Variants in DOCK5 observed in about 807,000 individuals in gnomAD.
DOCK5 encodes dedicator of cytokinesis protein 5.
DOCK5 carries 142 observed loss-of-function variants against 251.8 expected under a neutral mutation model. That is an observed-to-expected ratio of 0.56 (90% CI 0.49 to 0.65). DOCK5 has a LOEUF of 0.65. Ranked by LOEUF, DOCK5 falls within the 30% of genes least tolerant of loss-of-function variation. The probability of loss-of-function intolerance (pLI) is 0.00; values close to 1 mark genes in which losing one functional copy is unlikely to be tolerated. For synonymous variants in DOCK5, 842 were observed against 835.5 expected (o/e 1.01, Z -0.13); for missense variants, 2,111 against 2,312.3 (o/e 0.91, Z 1.79).
chr8:25,392,971 C>G, intron 44 of DOCK5, 89 bp downstream of exon 44: 1 of 1,131,234 alleles, frequency 8.8e-7, no homozygotes, highest in Non-Finnish European at 1.3e-6. Context: ...GCAGTTCACA[C>G]CAGCTTGGCC....
chr8:25,312,844 C>A (rs1805139274), intron 13 of DOCK5, among the ~76,000 whole-genome samples: 1 of 151,678 alleles, frequency 6.6e-6, no homozygotes, highest in Non-Finnish European at 1.5e-5. Context: ...GCGGGAGCAT[C>A]ACTTGAACCT....
intron 1 of DOCK5, 135 bp from the exon 2 acceptor site, chr8:25,243,539 C>T (rs931825024): frequency 1.5e-6 from 1 of 665,144 alleles, no homozygotes; most frequent in African/African-American, 1.8e-5. Flanking sequence ...CCATCTTGGC[C>T]AGGCTGGTCT....
rs2666172 is a variant in DOCK5, at chr8:25,325,453, C to T, written c.1809C>T (p.Ser603=). The change falls in exon 18 of 52, where the codon TCC becomes TCT. Residue 603 remains serine (S), a synonymous_variant. Coordinates refer to ENST00000276440, the MANE Select transcript of DOCK5 (RefSeq NM_024940.8). ...MEMEEKELQA[S]KNLVTFTPSK... is the part of the protein sequence containing the mutation. Reference sequence around the variant, plus strand: ...TGGAAGAAAAAGAGCTTCAAGCATCCAAAAACCTGGTCACCTTCACCCCAA... The same window carrying T: ...TGGAAGAAAAAGAGCTTCAAGCATCTAAAAACCTGGTCACCTTCACCCCAA... The T allele has an allele frequency of 0.75, 1,214,570 of 1,613,578 alleles. 461,543 individuals are homozygous for T. The highest frequency in any genetic ancestry group is 0.78 in the Non-Finnish European group (922,067 of 1,179,766).
intron 1 of DOCK5, among the ~76,000 whole-genome samples, chr8:25,240,499 T>C (rs1802914845): frequency 6.6e-6 from 1 of 152,132 alleles, no homozygotes; most frequent in East Asian, 1.9e-4. Context: ...AATAATCTCC[T>C]ATATTGCCTT....
chr8:25,347,459 A>T (rs1800390023), intron 26 of DOCK5, among the ~76,000 whole-genome samples: 2 of 152,166 alleles, frequency 1.3e-5, no homozygotes, highest in African/African-American at 4.8e-5. Flanking sequence ...TTCTCAAAGC[A>T]TGTTGCGATT....
chr8:25,345,738 A>G, intron 26 of DOCK5, 127 bp downstream of exon 26: 3 of 1,333,410 alleles, frequency 2.2e-6, no homozygotes. Context: ...GGCTGTGCCC[A>G]TTTTAGAGAT....
intron 38 of DOCK5, 73 bp from the exon 39 acceptor site, chr8:25,380,232 G>A (rs1008509908): frequency 6.2e-5 from 85 of 1,362,268 alleles, no homozygotes; most frequent in African/African-American, 2.2e-4. Context: ...CCAGTGACTC[G>A]CCAGTGGCTT....
intron 31 of DOCK5, 135 bp from the exon 32 acceptor site, chr8:25,368,057 T>C (rs1489461301): frequency 1.5e-6 from 1 of 666,832 alleles, no homozygotes; most frequent in African/African-American, 1.8e-5. Context: ...CGTTTAGGTA[T>C]GAACCTCATC....
chr8:25,309,567 T>C (rs936524377), intron 12 of DOCK5, among the ~76,000 whole-genome samples: 1 of 152,194 alleles, frequency 6.6e-6, no homozygotes, highest in Non-Finnish European at 1.5e-5. Context: ...TCCCATCACA[T>C]TTTTTAAAAT....
chr8:25,262,626 T>A (rs1803620465), intron 2 of DOCK5, among the ~76,000 whole-genome samples: 1 of 152,210 alleles, frequency 6.6e-6, no homozygotes, highest in African/African-American at 2.4e-5. Flanking sequence ...AGACCCTTCT[T>A]AACTCCTCTC....
In DOCK5 at chr8:25,302,321, T is replaced by G. The variant is rs767594439; in HGVS notation, c.847-4T>G. ...CTCCTCTCACACTTTCTCTGCCCCT[T>G]TAGGACCTTAGCAGCATGGACCTCA... On this transcript the variant is annotated splice_region_variant and splice_polypyrimidine_tract_variant and intron_variant, in intron 9 of 51. Transcript: ENST00000276440. The G allele has an allele frequency of 3.7e-6, 6 of 1,604,492 alleles. No homozygotes were observed. The highest frequency in any genetic ancestry group is 1.7e-5 in the Admixed American group (1 of 58,278).
At position 25,369,196 on chromosome 8, in the gene DOCK5, C is replaced by T. The variant is rs79864499; in HGVS notation, c.3439-360C>T. ...TGTATTAATATTGAAAGGACGATTT[C>T]GCATCTATGAACCTCTGCAAAAGCA... On this transcript the variant is annotated intron_variant, in intron 33 of 51. Transcript: ENST00000276440. Among the ~76,000 whole-genome samples, 52 of 152,258 alleles carry T rather than the reference C, an allele frequency of 3.4e-4. 1 individual carries two copies. The Middle Eastern group carries it at 0.01, about 30-fold the overall frequency.
At chr8:25,249,009 C>A (rs1472091660) in intron 2 of DOCK5, among the ~76,000 whole-genome samples, 1 of 151,774 alleles carries the variant, frequency 6.6e-6, no homozygotes, top group African/African-American at 2.4e-5. Flanking sequence ...TTTTATTTAT[C>A]TTTTTTTTAG....
intron 22 of DOCK5, 134 bp downstream of exon 22, chr8:25,336,507 C>T: frequency 8.2e-7 from 1 of 1,214,598 alleles, no homozygotes; most frequent in Non-Finnish European, 1.1e-6. Context: ...AACTGCAGGG[C>T]TGAAGATGGA....
chr8:25,292,224 T>A, intron 6 of DOCK5, 52 bp downstream of exon 6: 1 of 1,495,410 alleles, frequency 6.7e-7, no homozygotes, highest in Non-Finnish European at 8.9e-7. Context: ...ACAGTGGGCA[T>A]GTTCACGCTA....
At chr8:25,364,160 G>A (rs565995769) in intron 29 of DOCK5, among the ~76,000 whole-genome samples, 6 of 152,220 alleles carry the variant, frequency 3.9e-5, no homozygotes, top group African/African-American at 1.4e-4. Context: ...AGAGTTTAAT[G>A]AGATAAATAA....
intron 9 of DOCK5, 72 bp downstream of exon 9, chr8:25,300,729 A>G (rs1804741041): frequency 3.6e-6 from 5 of 1,407,962 alleles, no homozygotes; most frequent in Non-Finnish European, 4.8e-6. Flanking sequence ...GAATATGTGG[A>G]AAACATACAA....
chr8:25,361,133 G>C (rs1333005902), intron 28 of DOCK5, among the ~76,000 whole-genome samples: 1 of 152,082 alleles, frequency 6.6e-6, no homozygotes, highest in African/African-American at 2.4e-5. Flanking sequence ...CCAGGCTTTG[G>C]GATTCCCTGT....
chr8:25,403,433 G>T (rs1237737691), intron 47 of DOCK5, 125 bp from the exon 48 acceptor site: 2 of 942,706 alleles, frequency 2.1e-6, no homozygotes, highest in Admixed American at 2.4e-5. Flanking sequence ...CAATCAGAAT[G>T]GGGTGCCAGC....
Sources: gnomAD v4.1 joint callset for allele counts (sites outside exome capture counted in the v4.1 genomes callset) on GRCh38, gnomAD v4.1.1 for gene constraint, MANE v1.5 for transcripts, NCBI Gene and HGNC (gene_info 2026-07-23, HGNC 2026-07-21) for gene names.